SFPQ: variants seen among roughly 807,000 people sequenced by gnomAD.
The protein encoded by SFPQ is splicing factor, proline- and glutamine-rich.
Under a neutral mutation model 72.9 loss-of-function variants are expected in SFPQ, and 11 were observed. The ratio of observed to expected loss-of-function variants is 0.15; its 90% CI spans 0.09 to 0.25. The LOEUF (loss-of-function observed/expected upper bound fraction) is 0.25. Ranked by LOEUF, SFPQ falls within the 10% of genes least tolerant of loss-of-function variation. The probability of loss-of-function intolerance (pLI) is 1.00; values close to 1 mark genes in which losing one functional copy is unlikely to be tolerated. For synonymous variants in SFPQ, 506 were observed against 367.3 expected, an observed-to-expected ratio of 1.38 and a Z score of -4.32; for missense variants, 847 against 993.3, an observed-to-expected ratio of 0.85 and a Z score of 1.98.
rs1396244231 is a variant in SFPQ, at chr1:35,183,506, C to A, written c.*950G>T. The A allele has an allele frequency of 1.0e-6, 1 of 1,003,966 alleles. No individual in the cohort carries two copies. The highest frequency in any genetic ancestry group is 1.2e-6 in the Non-Finnish European group (1 of 838,154). The allele number at this position is 1,003,966 out of a possible 1,614,324, so 62.2% of individuals were successfully genotyped here. On this transcript the variant is annotated 3_prime_UTR_variant, in exon 10 of 10. Coordinates refer to ENST00000357214, the MANE Select transcript of SFPQ (RefSeq NM_005066.3). ...TGCTGGGATTACAGGCGTGAGCCAC[C>A]GCGCCCGGCCCAGTTACTAAACCTT... is the stretch of plus-strand genomic sequence containing the variant.
chr1:35,178,401 C>T, downstream of SFPQ: 1 of 1,065,536 alleles, frequency 9.4e-7, no homozygotes, highest in Non-Finnish European at 1.1e-6. Context: ...GCTCTTTTTT[C>T]ATATGAAAGC....
Position 35,184,485 on chromosome 1 carries a change from C to T in SFPQ, c.2095G>A (p.Glu699Lys), listed in dbSNP as rs1346232101. The T allele has an allele frequency of 2.5e-6, 4 of 1,611,894 alleles. No individual in the cohort carries two copies. Among genetic ancestry groups the T allele is most frequent in the African/African-American group, 1.3e-5 (1 of 74,760 alleles). Residue 699 changes from glutamate (E) to lysine (K), a missense_variant, in exon 10 of 10, where the codon GAA (glutamate) becomes AAA (lysine). Physicochemically the swap from Glu to Lys is moderately conservative, Grantham distance 56. Transcript: ENST00000357214. The stretch of plus-strand genomic sequence containing the variant: ...AATCGGGGTTTTTTGTTTGGGCCTT[C>T]GTACTCTTCTCTCCCTCTACCATAT... ...AGYGRGREEY[E>K]GPNKKPRF
intron 4 of SFPQ, among the ~76,000 whole-genome samples, chr1:35,190,119 G>A (rs1639923977): frequency 6.6e-6 from 1 of 152,090 alleles, no homozygotes; most frequent in South Asian, 2.1e-4. Context: ...AACGAGCCAG[G>A]CATGGTGGCA....
downstream of SFPQ, chr1:35,178,157 T>C (rs934456571): frequency 9.3e-7 from 1 of 1,071,816 alleles, no homozygotes; most frequent in Non-Finnish European, 1.1e-6. Flanking sequence ...GGGGGTAAGT[T>C]ACAGCATAAA....
chr1:35,179,027 T>G, downstream of SFPQ: 1 of 1,059,198 alleles, frequency 9.4e-7, no homozygotes, highest in Non-Finnish European at 1.1e-6. Flanking sequence ...GACAGATGAT[T>G]AGGAGCAGTC....
Position 35,192,546 on chromosome 1 carries a change from G to C in SFPQ, c.504C>G (p.Thr168=), listed in dbSNP as rs1216759505. 7.5e-7 allele frequency: 1 copy of C among 1,327,812 alleles called. No individual in the cohort carries two copies. The highest frequency in any genetic ancestry group is 9.6e-7 in the Non-Finnish European group (1 of 1,045,234). 82.3% of individuals were successfully genotyped at this position (1,327,812 alleles called of 1,614,324 possible). The change falls in exon 1 of 10, where the codon ACC becomes ACG. Residue 168 remains threonine, a synonymous_variant. Coordinates refer to ENST00000357214, the MANE Select transcript of SFPQ (RefSeq NM_005066.3). The part of the protein sequence containing the change: ...TSAPPGAPPP[T]PPSSGVPTTP... ...TGGTAGGGACCCCGCTGCTTGGCGG[G>C]GTGGGTGGCGGCGCCCCGGGAGGGG...
At position 35,190,328 on chromosome 1, in the gene SFPQ, C is replaced by G. The variant is rs2148623641; in HGVS notation, c.1415+170G>C. Among the ~76,000 whole-genome samples, 3 of 152,350 alleles carry G rather than the reference C, an allele frequency of 2.0e-5. 1 individual carries two copies. The Middle Eastern group carries it at 0.01, about 518-fold the overall frequency. On this transcript the variant is annotated intron_variant, in intron 4 of 9. Coordinates refer to ENST00000357214, the MANE Select transcript of SFPQ (RefSeq NM_005066.3). ...TGAATGTATCCACCTTAGAAGCAAA[C>G]AGCTATCTGAATAACAGCTTCAAAT...
intron 6 of SFPQ, among the ~76,000 whole-genome samples, chr1:35,188,666 A>G (rs1186231329): frequency 6.6e-6 from 1 of 152,132 alleles, no homozygotes; most frequent in African/African-American, 2.4e-5. Flanking sequence ...AAAAAGGAAG[A>G]AAAAAAATGG....
intron 9 of SFPQ, among the ~76,000 whole-genome samples, chr1:35,186,074 A>G (rs1165355823): frequency 6.6e-6 from 1 of 151,758 alleles, no homozygotes; most frequent in Non-Finnish European, 1.5e-5. Flanking sequence ...TTAATTCCCA[A>G]AAAGTCTTAG....
At position 35,187,966 on chromosome 1, in the gene SFPQ, G is replaced by C. The variant is rs1557801646; in HGVS notation, c.1815+7C>G. On this transcript the variant is annotated splice_region_variant and intron_variant, in intron 7 of 9. Coordinates refer to ENST00000357214, the MANE Select transcript of SFPQ (RefSeq NM_005066.3). Reference sequence around the variant, plus strand: ...CTCCAATTGGAAGGCAGTAAAGGCTGACTTACTGGATCCATGTAGCCCATT... The same window carrying C: ...CTCCAATTGGAAGGCAGTAAAGGCTCACTTACTGGATCCATGTAGCCCATT... The C allele has an allele frequency of 6.3e-7, 1 of 1,591,662 alleles. No individual in the cohort carries two copies. The highest frequency in any genetic ancestry group is 1.7e-5 in the Admixed American group (1 of 59,988).
downstream of SFPQ, chr1:35,180,132 A>G (rs902604409): frequency 6.7e-6 from 7 of 1,048,766 alleles, no homozygotes; most frequent in African/African-American, 1.2e-4. Flanking sequence ...AAAGTCTCAT[A>G]GTCATGAAGT....
chr1:35,191,829 G>C (rs928941829), intron 1 of SFPQ, among the ~76,000 whole-genome samples: 1 of 152,170 alleles, frequency 6.6e-6, no homozygotes. Flanking sequence ...AATTAAAATA[G>C]GAAAATAACA....
downstream of SFPQ, chr1:35,179,503 GA>G: frequency 9.5e-7 from 1 of 1,055,046 alleles, no homozygotes. Flanking sequence ...ACAAAATTAT[GA>G]AATACAATGC....
downstream of SFPQ, chr1:35,182,004 A>AGAT: frequency 1.0e-6 from 1 of 985,404 alleles, no homozygotes; most frequent in Non-Finnish European, 1.2e-6. Flanking sequence ...AACTTTCAGG[A>AGAT]GATTATCCAT....
At chr1:35,189,532 C>CA in intron 4 of SFPQ, 150 bp from the exon 5 acceptor site, 1 of 584,804 alleles carries the variant, frequency 1.7e-6, no homozygotes, top group Non-Finnish European at 3.0e-6. Flanking sequence ...ATCTTCACAG[C>CA]AAAAATACTC....
At position 35,187,920 on chromosome 1, in the gene SFPQ, A is replaced by T. The variant is rs1639803439; in HGVS notation, c.1815+53T>A. 4.7e-5 allele frequency: 49 copies of T among 1,052,878 alleles called. No individual in the cohort carries two copies. The South Asian group carries it at 5.5e-4, about 12-fold the overall frequency. The allele number at this position is 1,052,878 out of a possible 1,614,324, so 65.2% of individuals were successfully genotyped here. A position where few individuals can be genotyped will look rare whatever the true frequency, so the allele number is the denominator to read the frequency against. The stretch of plus-strand genomic sequence containing the variant: ...AAATTTCCTGTAATTCCTTCTAGGT[A>T]CCTGCAAGTTCTATAGACAACTCCA... On this transcript the variant is annotated intron_variant, in intron 7 of 9. Coordinates refer to ENST00000357214, the MANE Select transcript of SFPQ (RefSeq NM_005066.3).
At chr1:35,189,163 T>C (rs752942180) in intron 5 of SFPQ, 23 bp downstream of exon 5, 2 of 1,613,578 alleles carry the variant, frequency 1.2e-6, no homozygotes, top group Non-Finnish European at 1.7e-6. Flanking sequence ...TTAGCAATGA[T>C]GTTCACGCAC....
downstream of SFPQ, chr1:35,182,551 A>T (rs1639514338): frequency 1.0e-6 from 1 of 985,352 alleles, no homozygotes; most frequent in Admixed American, 6.1e-5. Context: ...TTTCCTATGC[A>T]GAAAGTGCTC....
chr1:35,191,601 C>T lies in SFPQ; in HGVS notation c.829-72G>A, dbSNP rs1640000487. ...GTGAAAATCCCCAAGATAGTATTTG[C>T]TTATCTGAAACCTATCAGTTGCCTT... On this transcript the variant is annotated intron_variant, in intron 1 of 9. Transcript: ENST00000357214. 10 of 1,225,786 alleles carry T rather than the reference C, an allele frequency of 8.2e-6. No homozygotes were observed. In the South Asian group the frequency reaches 9.4e-5, roughly 12 times the overall value. The allele number at this position is 1,225,786 out of a possible 1,614,324, so 75.9% of individuals were successfully genotyped here. A position where few individuals can be genotyped will look rare whatever the true frequency, so the allele number is the denominator to read the frequency against.
Sources: allele counts gnomAD v4.1 joint callset (sites outside exome capture counted in the v4.1 genomes callset), GRCh38; gene constraint gnomAD v4.1.1; transcripts MANE v1.5; gene names NCBI Gene and HGNC (gene_info 2026-07-23, HGNC 2026-07-21).